The following PITPNC1 variants were observed in gnomAD, a reference collection of about 807,000 sequenced individuals.
PITPNC1 encodes the protein cytoplasmic phosphatidylinositol transfer protein 1.
In PITPNC1, 18 loss-of-function variants were observed where a neutral mutation model predicts 44.7. The ratio of observed to expected loss-of-function variants is 0.40; its 90% CI spans 0.28 to 0.60. PITPNC1 has a LOEUF of 0.60. Among genes scored for constraint, PITPNC1 ranks in the 20% least tolerant of loss-of-function variants. The pLI, the probability that PITPNC1 is intolerant of heterozygous loss-of-function variation, is 0.39. For missense variants in PITPNC1, 290 were observed against 418.4 expected, an observed-to-expected ratio of 0.69 and a Z score of 2.68; for synonymous variants, 141 against 149.6, an observed-to-expected ratio of 0.94 and a Z score of 0.42.
intron 1 of PITPNC1, among the ~76,000 whole-genome samples, chr17:67,419,645 C>T (rs1365565224): frequency 5.9e-5 from 9 of 152,164 alleles, no homozygotes; most frequent in Admixed American, 5.9e-4. Context: ...GTGGCTCAAG[C>T]GTATGATCCC....
chr17:67,489,512 G>C (rs995702508), intron 1 of PITPNC1, among the ~76,000 whole-genome samples: 5 of 152,156 alleles, frequency 3.3e-5, no homozygotes, highest in Admixed American at 6.5e-5. Context: ...CATGTTAGCT[G>C]CTCACGGGAT....
At chr17:67,560,268 C>T (rs975195490) in intron 4 of PITPNC1, among the ~76,000 whole-genome samples, 2 of 152,162 alleles carry the variant, frequency 1.3e-5, no homozygotes, top group Admixed American at 1.3e-4. Context: ...CCATTATGTG[C>T]CCACTAACTA....
At chr17:67,572,951 C>T (rs921084656) in intron 4 of PITPNC1, among the ~76,000 whole-genome samples, 1 of 152,136 alleles carries the variant, frequency 6.6e-6, no homozygotes, top group Admixed American at 6.5e-5. Context: ...GTGCCACCAA[C>T]AGCTGGAAGA....
chr17:67,404,984 C>A (rs1170546084), intron 1 of PITPNC1, among the ~76,000 whole-genome samples: 1 of 152,172 alleles, frequency 6.6e-6, no homozygotes, highest in Non-Finnish European at 1.5e-5. Flanking sequence ...CCGTCACTCA[C>A]GCCTATGATC....
At chr17:67,442,061 C>T (rs2364980) in intron 1 of PITPNC1, among the ~76,000 whole-genome samples, 80,648 of 151,036 alleles carry the variant, frequency 0.53, 22,271 homozygotes, top group Middle Eastern at 0.65. Flanking sequence ...ATTTCTGCCC[C>T]AGAAATGTTG....
intron 1 of PITPNC1, among the ~76,000 whole-genome samples, chr17:67,382,656 G>C (rs186921562): frequency 6.6e-6 from 1 of 151,988 alleles, no homozygotes; most frequent in African/African-American, 2.4e-5. Context: ...ACACTCTCTC[G>C]CTCTGTCGCC....
chr17:67,380,083 T>G (rs2037935070), intron 1 of PITPNC1, among the ~76,000 whole-genome samples: 1 of 151,480 alleles, frequency 6.6e-6, no homozygotes, highest in Admixed American at 6.6e-5. Flanking sequence ...CTTTTCTTTT[T>G]TTTTTTTTTG....
At position 67,642,071 on chromosome 17, in the gene PITPNC1, G is replaced by A. The variant is rs143969869; in HGVS notation, c.462+9833G>A. 2.7e-3 allele frequency among the ~76,000 whole-genome samples: 405 copies of A among 152,198 alleles called. 2 individuals are homozygous for A. The highest frequency in any genetic ancestry group is 9.1e-3 in the African/African-American group (379 of 41,540). On this transcript the variant is annotated intron_variant, in intron 6 of 8. Transcript: ENST00000581322. ...ATTAAATTGCCCCTGACTCACACTT[G>A]GATGGGAGCAAACTCAGGTCTGAAG... is the stretch of plus-strand genomic sequence containing the variant.
At chr17:67,435,225 C>T (rs1459482014) in intron 1 of PITPNC1, among the ~76,000 whole-genome samples, 6 of 151,848 alleles carry the variant, frequency 4.0e-5, no homozygotes, top group Admixed American at 6.6e-5. Context: ...ATCTGTAAAA[C>T]GGAAATTATA....
intron 1 of PITPNC1, among the ~76,000 whole-genome samples, chr17:67,447,051 C>T (rs1365602117): frequency 4.6e-5 from 6 of 131,616 alleles, no homozygotes; most frequent in African/African-American, 1.7e-4. Context: ...GATTGTGCCA[C>T]TGCACTCCAG....
chr17:67,533,276 CATAAA>C (rs1003751988), intron 2 of PITPNC1, among the ~76,000 whole-genome samples: 1 of 152,106 alleles, frequency 6.6e-6, no homozygotes, highest in East Asian at 1.9e-4. Flanking sequence ...AATATTACTA[CATAAA>C]ATAAAATAAA....
At chr17:67,650,268 G>A (rs1338436029) in intron 6 of PITPNC1, among the ~76,000 whole-genome samples, 2 of 152,032 alleles carry the variant, frequency 1.3e-5, no homozygotes, top group Admixed American at 1.3e-4. Flanking sequence ...CGAATCTGAA[G>A]TGCCTGACAC....
intron 7 of PITPNC1, among the ~76,000 whole-genome samples, chr17:67,675,117 T>G (rs1394556358): frequency 6.6e-6 from 1 of 151,614 alleles, no homozygotes; most frequent in East Asian, 1.9e-4. Context: ...AGATGAAAAG[T>G]AGATGCTGTT....
At chr17:67,518,811 C>T (rs1426044982) in intron 1 of PITPNC1, among the ~76,000 whole-genome samples, 3 of 152,144 alleles carry the variant, frequency 2.0e-5, no homozygotes, top group Non-Finnish European at 4.4e-5. Flanking sequence ...GGCATAGTGC[C>T]GTGTGCCTGT....
At chr17:67,497,328 G>A (rs2039966777) in intron 1 of PITPNC1, among the ~76,000 whole-genome samples, 2 of 150,862 alleles carry the variant, frequency 1.3e-5, no homozygotes, top group African/African-American at 4.9e-5. Context: ...TCAGCCTCCC[G>A]AGTAGCTGGG....
At chr17:67,535,627 AT>A (rs2040517252) in intron 2 of PITPNC1, among the ~76,000 whole-genome samples, 1 of 152,262 alleles carries the variant, frequency 6.6e-6, no homozygotes, top group Admixed American at 6.5e-5. Context: ...TTATAAATAG[AT>A]GTGGACTTCC....
intron 1 of PITPNC1, among the ~76,000 whole-genome samples, chr17:67,468,464 T>TGATCTCGGCTCACTGCAA (rs1165818838): frequency 7.1e-6 from 1 of 140,908 alleles, no homozygotes; most frequent in Non-Finnish European, 1.5e-5. Context: ...TGCAGTGGCA[T>TGATCTCGGCTCACTGCAA]GATCTCGGCT....
chr17:67,654,565 A>G (rs932966870), intron 6 of PITPNC1, among the ~76,000 whole-genome samples: 3 of 152,122 alleles, frequency 2.0e-5, no homozygotes, highest in Non-Finnish European at 4.4e-5. Context: ...CGCACCTTCT[A>G]TGTGCCAGGC....
At chr17:67,682,247 T>C (rs2042723014) in intron 8 of PITPNC1, among the ~76,000 whole-genome samples, 1 of 152,150 alleles carries the variant, frequency 6.6e-6, no homozygotes, top group Non-Finnish European at 1.5e-5. Context: ...TGAATACATG[T>C]ACAACAAGTA....
Sources: allele counts gnomAD v4.1 joint callset (sites outside exome capture counted in the v4.1 genomes callset), GRCh38; gene constraint gnomAD v4.1.1; transcripts MANE v1.5; gene names NCBI Gene and HGNC (gene_info 2026-07-23, HGNC 2026-07-21).